Variants in CEP43 observed in about 807,000 individuals in gnomAD.
The protein encoded by CEP43 is FGFR1 oncogene partner.
In CEP43, 36 loss-of-function variants were observed where a neutral mutation model predicts 52.6. The observed-to-expected ratio is 0.68, with a 90% CI of 0.52 to 0.90. CEP43 has a LOEUF of 0.90. Among genes scored for constraint, CEP43 ranks in the 40% least tolerant of loss-of-function variants. The probability of loss-of-function intolerance (pLI) is 0.00; values close to 1 mark genes in which losing one functional copy is unlikely to be tolerated. For synonymous variants in CEP43, 192 were observed against 172.4 expected (o/e 1.11, Z -0.89); for missense variants, 506 against 472.8 (o/e 1.07, Z -0.65).
chr6:167,003,371 A>C, intron 3 of CEP43, 124 bp downstream of exon 3: 2 of 541,034 alleles, frequency 3.7e-6, no homozygotes, highest in East Asian at 3.0e-5. Context: ...CCTCATTTTA[A>C]AATAATATTT....
intron 10 of CEP43, 113 bp downstream of exon 10, chr6:167,026,728 C>T (rs1194937933): frequency 4.4e-6 from 3 of 674,212 alleles, no homozygotes; most frequent in African/African-American, 3.6e-5. Context: ...TGCTGCTGCT[C>T]ATTCAGCAGG....
At chr6:167,000,766 G>T (rs1305529009) in intron 2 of CEP43, among the ~76,000 whole-genome samples, 1 of 152,156 alleles carries the variant, frequency 6.6e-6, no homozygotes, top group Admixed American at 6.6e-5. Context: ...TTCCATGTCT[G>T]TGCAGGCATC....
chr6:167,039,766 T>C (rs781349285), intron 12 of CEP43, 138 bp from the exon 13 acceptor site: 41 of 840,550 alleles, frequency 4.9e-5, no homozygotes, highest in Non-Finnish European at 7.7e-5. Context: ...CTGACATTTA[T>C]ATTATTTTTT....
chr6:167,003,702 C>A (rs751892231), intron 3 of CEP43, 21 bp from the exon 4 acceptor site: 33 of 1,519,284 alleles, frequency 2.2e-5, no homozygotes, highest in Non-Finnish European at 3.0e-5. Context: ...TGCTTACTTA[C>A]CTTTTTCTTG....
Position 167,049,451 on chromosome 6 carries a change from C to T in CEP43, c.*9473C>T, listed in dbSNP as rs1018395823. ...GCCTCTTCTGGACATTACATATAAACGGAATTATACACTATGTGGCCTTTT... is the reference window on the plus strand; with the variant it reads ...GCCTCTTCTGGACATTACATATAAATGGAATTATACACTATGTGGCCTTTT... On this transcript the variant is annotated 3_prime_UTR_variant, in exon 13 of 13. Coordinates refer to ENST00000366847, the MANE Select transcript of CEP43 (RefSeq NM_007045.4). 5.9e-5 allele frequency: 9 copies of T among 152,222 alleles called. No homozygotes were observed. Among genetic ancestry groups the T allele is most frequent in the South Asian group, 4.1e-4 (2 of 4,834 alleles). The allele number at this position is 152,222 out of a possible 1,614,324, so 9.4% of individuals were successfully genotyped here. A position where few individuals can be genotyped will look rare whatever the true frequency, so the allele number is the denominator to read the frequency against.
At position 167,019,774 on chromosome 6, in the gene CEP43, A is replaced by C. The variant is rs554592840; in HGVS notation, c.580-2635A>C. ...GGTCAAACCTGTCAAATAATCATGG[A>C]TACCTACTAGTTGCTCAGCTTTGAT... On this transcript the variant is annotated intron_variant, in intron 7 of 12. Coordinates refer to ENST00000366847, the MANE Select transcript of CEP43 (RefSeq NM_007045.4). 2.6e-5 allele frequency among the ~76,000 whole-genome samples: 4 copies of C among 152,314 alleles called. 1 individual carries two copies. The East Asian group carries it at 7.7e-4, about 29-fold the overall frequency.
intron 12 of CEP43, among the ~76,000 whole-genome samples, chr6:167,035,903 A>G (rs1022499992): frequency 8.5e-5 from 13 of 152,258 alleles, no homozygotes; most frequent in Admixed American, 2.6e-4. Flanking sequence ...TCTCACATCT[A>G]TTTTGCAAGA....
In CEP43 at chr6:167,000,125, C is replaced by A. The variant is rs1420564010; in HGVS notation, c.156+12C>A. 1 of 1,600,664 alleles carries A rather than the reference C, an allele frequency of 6.2e-7. No individual in the cohort carries two copies. Among genetic ancestry groups the A allele is most frequent in the South Asian group, 1.1e-5 (1 of 90,020 alleles). ...AAGAAAAAGTAGAGGTATGAAGTTTCCAGATTTTAACATGGCTGTATTCGT... is the reference window on the plus strand; with the variant it reads ...AAGAAAAAGTAGAGGTATGAAGTTTACAGATTTTAACATGGCTGTATTCGT... On this transcript the variant is annotated intron_variant, in intron 2 of 12. Transcript: ENST00000366847.
intron 5 of CEP43, among the ~76,000 whole-genome samples, chr6:167,005,618 C>T (rs111709461): frequency 4.2e-4 from 64 of 152,320 alleles, no homozygotes; most frequent in East Asian, 2.1e-3. Flanking sequence ...TCACCCAGAG[C>T]GCAGGTTGTC....
In CEP43 at chr6:167,052,259, A is replaced by G. The variant is rs1780878334; in HGVS notation, c.*12281A>G. 1 of 152,150 alleles carries G rather than the reference A, an allele frequency of 6.6e-6. No individual in the cohort carries two copies. Among genetic ancestry groups the G allele is most frequent in the Non-Finnish European group, 1.5e-5 (1 of 68,038 alleles). 9.4% of individuals were successfully genotyped at this position (152,150 alleles called of 1,614,324 possible). A position where few individuals can be genotyped will look rare whatever the true frequency, so the allele number is the denominator to read the frequency against. The stretch of plus-strand genomic sequence containing the variant: ...TTATTGTTATACTTACTACCTCTGT[A>G]TATGTTACAAGCCCAAGAATACTAT... On this transcript the variant is annotated 3_prime_UTR_variant, in exon 13 of 13. Coordinates refer to ENST00000366847, the MANE Select transcript of CEP43 (RefSeq NM_007045.4).
Position 167,040,323 on chromosome 6 carries a change from T to C in CEP43, c.*345T>C. 7.0e-7 allele frequency: 1 copy of C among 1,426,376 alleles called. No individual in the cohort carries two copies. 88.4% of individuals were successfully genotyped at this position (1,426,376 alleles called of 1,614,324 possible). On this transcript the variant is annotated 3_prime_UTR_variant, in exon 13 of 13. Transcript: ENST00000366847. ...AAAGCCGTAGGATCGCGCAACCCTT[T>C]GTGTGTGTGGCTGCTGGTACGTGTG...
intron 2 of CEP43, among the ~76,000 whole-genome samples, chr6:167,002,455 T>C (rs1583265609): frequency 6.6e-6 from 1 of 152,216 alleles, no homozygotes; most frequent in African/African-American, 2.4e-5. Context: ...AAGTCTTTGC[T>C]TGGATCTGTG....
chr6:167,025,043 T>C, intron 9 of CEP43, 149 bp downstream of exon 9: 1 of 603,454 alleles, frequency 1.7e-6, no homozygotes, highest in Non-Finnish European at 2.9e-6. Context: ...TAATATTTTG[T>C]TGTGTTTTGT....
intron 1 of CEP43, 43 bp from the exon 2 acceptor site, chr6:167,000,017 T>A (rs775088332): frequency 6.5e-7 from 1 of 1,532,364 alleles, no homozygotes; most frequent in East Asian, 2.2e-5. Context: ...TTGTGAAAAT[T>A]GTCTTGAAAT....
intron 12 of CEP43, among the ~76,000 whole-genome samples, chr6:167,038,065 T>C (rs1780619851): frequency 6.6e-6 from 1 of 152,204 alleles, no homozygotes; most frequent in Admixed American, 6.5e-5. Flanking sequence ...TCACCCGTGG[T>C]TTTTTCCTTA....
chr6:166,999,490 C>T lies in CEP43; in HGVS notation c.78C>T (p.Asn26=). The change falls in exon 1 of 13, where the codon AAC becomes AAT. Residue 26 remains asparagine, a synonymous_variant. Coordinates refer to ENST00000366847, the MANE Select transcript of CEP43 (RefSeq NM_007045.4). The stretch of plus-strand genomic sequence containing the variant: ...ACCTGCTGGTGCAGACGCTGGAGAA[C>T]AGCGGGGTCCTGAACCGCATCAAGG... ...LRDLLVQTLE[N]SGVLNRIKAE... 1 of 1,482,046 alleles carries T rather than the reference C, an allele frequency of 6.7e-7. No individual in the cohort carries two copies. The allele number at this position is 1,482,046 out of a possible 1,614,324, so 91.8% of individuals were successfully genotyped here.
chr6:166,999,736 T>C, intron 1 of CEP43: 1 of 494,210 alleles, frequency 2.0e-6, no homozygotes, highest in Non-Finnish European at 3.5e-6. Context: ...TGGGGGTGCC[T>C]GGCCCATCCC....
chr6:167,042,764 C>T lies in CEP43; in HGVS notation c.*2786C>T, dbSNP rs752859149. 1.2e-4 allele frequency: 18 copies of T among 150,278 alleles called. No homozygotes were observed. The highest frequency in any genetic ancestry group is 2.1e-4 in the South Asian group (1 of 4,768). 9.3% of individuals were successfully genotyped at this position (150,278 alleles called of 1,614,324 possible). Reference sequence around the variant, plus strand: ...GTCCCTGCCCCACCACTTGCATTTACCCCTTTTATTTTATTCATCTCAGCA... The same window carrying T: ...GTCCCTGCCCCACCACTTGCATTTATCCCTTTTATTTTATTCATCTCAGCA... On this transcript the variant is annotated 3_prime_UTR_variant, in exon 13 of 13. Coordinates refer to ENST00000366847, the MANE Select transcript of CEP43 (RefSeq NM_007045.4).
intron 5 of CEP43, among the ~76,000 whole-genome samples, chr6:167,007,400 G>C (rs1316152678): frequency 6.6e-6 from 1 of 152,148 alleles, no homozygotes; most frequent in East Asian, 1.9e-4. Flanking sequence ...ATCCTCAAAA[G>C]GTAGTTGTTT....
Sources: gnomAD v4.1 joint callset for allele counts (sites outside exome capture counted in the v4.1 genomes callset) on GRCh38, gnomAD v4.1.1 for gene constraint, MANE v1.5 for transcripts, NCBI Gene and HGNC (gene_info 2026-07-23, HGNC 2026-07-21) for gene names.